The following DGKG variants were observed in gnomAD, a reference collection of about 807,000 sequenced individuals.
DGKG encodes diacylglycerol kinase gamma.
In DGKG, 78 loss-of-function variants were observed where a neutral mutation model predicts 105.3. That is an observed-to-expected ratio of 0.74 (90% CI 0.62 to 0.89). DGKG has a LOEUF of 0.89. Ranked by LOEUF, DGKG falls within the 40% of genes least tolerant of loss-of-function variation. The pLI, the probability that DGKG is intolerant of heterozygous loss-of-function variation, is 0.00. For synonymous variants in DGKG, 346 were observed against 367.1 expected (o/e 0.94, Z 0.66); for missense variants, 958 against 1,020.1 (o/e 0.94, Z 0.83).
chr3:186,226,552 T>C lies in DGKG; in HGVS notation c.1827-14667A>G, dbSNP rs1719871065. 6.6e-6 allele frequency among the ~76,000 whole-genome samples: 1 copy of C among 152,156 alleles called. No individual in the cohort carries two copies. The highest frequency in any genetic ancestry group is 2.4e-5 in the African/African-American group (1 of 41,436). ...CTAATTACAACACTCTGTTGAGAGC[T>C]CCAATAAAAGTTTCACTGAGATCAA... On this transcript the variant is annotated intron_variant, in intron 20 of 24. Transcript: ENST00000265022. The surrounding 1 kb of genome is among the most constrained non-coding windows in gnomAD (Gnocchi z 4.2).
At chr3:186,289,691 T>C (rs1218112216) in intron 5 of DGKG, among the ~76,000 whole-genome samples, 2 of 152,074 alleles carry the variant, frequency 1.3e-5, no homozygotes, top group African/African-American at 4.8e-5. Flanking sequence ...AGTGTACAAC[T>C]CACAGAAAAC....
rs537959907 is a variant in DGKG at position 186,155,927 on chromosome 3, A to G, written c.2277+5676T>C. ...TTTTTAAAAACTTGTGATATTAAATATTATTTCATAGATTTATTAGCCCAT... is the reference window on the plus strand; with the variant it reads ...TTTTTAAAAACTTGTGATATTAAATGTTATTTCATAGATTTATTAGCCCAT... On this transcript the variant is annotated intron_variant, in intron 24 of 24. Coordinates refer to ENST00000265022, the MANE Select transcript of DGKG (RefSeq NM_001346.3). Among the ~76,000 whole-genome samples, 5 of 152,224 alleles carry G rather than the reference A, an allele frequency of 3.3e-5. No individual in the cohort carries two copies. In the East Asian group the frequency reaches 9.6e-4, roughly 29 times the overall value.
At chr3:186,174,236 G>A (rs1458886261) in intron 22 of DGKG, among the ~76,000 whole-genome samples, 1 of 152,192 alleles carries the variant, frequency 6.6e-6, no homozygotes, top group Admixed American at 6.5e-5. Context: ...TGTATGAATA[G>A]GATGGGATCA....
At chr3:186,255,052 C>G (rs1721398150) in intron 17 of DGKG, among the ~76,000 whole-genome samples, 1 of 152,224 alleles carries the variant, frequency 6.6e-6, no homozygotes. Flanking sequence ...TCCCTAGTTG[C>G]CCCAGCCTGG....
At chr3:186,242,390 A>C in intron 20 of DGKG, 114 bp downstream of exon 20, 1 of 809,242 alleles carries the variant, frequency 1.2e-6, no homozygotes, top group Middle Eastern at 3.8e-4. Flanking sequence ...AGTGGCAGGA[A>C]GGCCAAGTCC....
chr3:186,160,000 G>A (rs1030661783), intron 24 of DGKG: 3 of 210,378 alleles, frequency 1.4e-5, no homozygotes, highest in South Asian at 1.7e-4. Flanking sequence ...CAGCCCTTCC[G>A]GCACCTTGGT....
chr3:186,219,726 A>G (rs1719470298), intron 20 of DGKG, among the ~76,000 whole-genome samples: 1 of 152,056 alleles, frequency 6.6e-6, no homozygotes, highest in African/African-American at 2.4e-5. Flanking sequence ...GAAAGGGGAG[A>G]TCTCAAGAAG....
chr3:186,214,260 A>G (rs1156367637), intron 20 of DGKG, among the ~76,000 whole-genome samples: 1 of 152,204 alleles, frequency 6.6e-6, no homozygotes, highest in Non-Finnish European at 1.5e-5. Flanking sequence ...AAGTGATTTA[A>G]TGTTTTTAAG....
chr3:186,171,847 C>A (rs1021356633), intron 22 of DGKG, among the ~76,000 whole-genome samples: 1 of 152,036 alleles, frequency 6.6e-6, no homozygotes, highest in Admixed American at 6.6e-5. Flanking sequence ...CCATTCTCAT[C>A]CCAGTTGCTT....
chr3:186,155,231 C>G (rs555434572), intron 24 of DGKG, among the ~76,000 whole-genome samples: 1 of 152,088 alleles, frequency 6.6e-6, no homozygotes, highest in Non-Finnish European at 1.5e-5. Context: ...CTCGCACTGT[C>G]GCCTGGGCTG....
chr3:186,249,020 C>T (rs749548247), intron 19 of DGKG, among the ~76,000 whole-genome samples: 10 of 152,134 alleles, frequency 6.6e-5, no homozygotes, highest in African/African-American at 1.4e-4. Context: ...TCCAGAACCC[C>T]GGACCTGTCA....
rs578070530 is a variant in DGKG at position 186,166,837 on chromosome 3, G to A, written c.2096-1819C>T. Among the ~76,000 whole-genome samples the A allele has an allele frequency of 6.6e-5, 10 of 152,274 alleles. No individual in the cohort carries two copies. The East Asian group carries it at 1.9e-3, about 29-fold the overall frequency. On this transcript the variant is annotated intron_variant, in intron 22 of 24. Transcript: ENST00000265022. ...GGCAGAGACAGATGTCTTGGAAACT[G>A]TTGTTCTTTGTACCAGGCTTTGGTG...
intron 17 of DGKG, 45 bp downstream of exon 17, chr3:186,257,809 G>T (rs192073813): frequency 4.8e-6 from 7 of 1,445,030 alleles, no homozygotes; most frequent in Non-Finnish European, 6.8e-6. Flanking sequence ...TTGTAAATAC[G>T]CTTACTATAA....
At chr3:186,255,275 C>T (rs964075835) in intron 17 of DGKG, among the ~76,000 whole-genome samples, 1 of 152,236 alleles carries the variant, frequency 6.6e-6, no homozygotes, top group Non-Finnish European at 1.5e-5. Context: ...GCAAAAAAGC[C>T]GTGGCTTGGG....
intron 3 of DGKG, among the ~76,000 whole-genome samples, chr3:186,299,767 C>CTCTTTCTTTCTTTCTTTCTTTCTTTCTT (rs56331660): frequency 9.4e-5 from 9 of 95,550 alleles, no homozygotes; most frequent in African/African-American, 2.0e-4. Context: ...TTCTTCTTTT[C>CTCTTTCTTTCTTTCTTTCTTTCTTTCTT]TCTTTCTTTC....
Position 186,351,631 on chromosome 3 carries a change from T to C in DGKG, c.-249+10315A>G, listed in dbSNP as rs775466704. Among the ~76,000 whole-genome samples, 44 of 152,360 alleles carry C rather than the reference T, an allele frequency of 2.9e-4. 1 individual carries two copies. The highest frequency in any genetic ancestry group is 2.3e-3 in the South Asian group (11 of 4,828). On this transcript the variant is annotated intron_variant, in intron 1 of 24. Transcript: ENST00000265022. ...TTCACCAAGAAGTCATGGCAGGTGATTCTTACATCTTCTTGACAGGTACAT... is the reference window on the plus strand; with the variant it reads ...TTCACCAAGAAGTCATGGCAGGTGACTCTTACATCTTCTTGACAGGTACAT...
At chr3:186,303,496 G>A (rs1232889401) in intron 3 of DGKG, among the ~76,000 whole-genome samples, 2 of 152,238 alleles carry the variant, frequency 1.3e-5, no homozygotes, top group Admixed American at 1.3e-4. Context: ...TAGATGGAGA[G>A]CTTAGCAGGC....
At chr3:186,243,779 A>G (rs979520286) in intron 19 of DGKG, among the ~76,000 whole-genome samples, 4 of 152,198 alleles carry the variant, frequency 2.6e-5, no homozygotes, top group African/African-American at 9.6e-5. Context: ...GCAATGAAAA[A>G]TATACAAACC....
In DGKG at chr3:186,353,668, A is replaced by ATCTATG; in HGVS notation, c.-249+8277_-249+8278insCATAGA. Among the ~76,000 whole-genome samples the ATCTATG allele has an allele frequency of 2.2e-5, 3 of 134,018 alleles. No homozygotes were observed. The Middle Eastern group carries it at 0.011, about 508-fold the overall frequency. The allele number at this position is 134,018 out of a possible 152,430, so 87.9% of individuals were successfully genotyped here. Reference sequence around the variant, plus strand: ...TATCTATGTCTATGTCTATATCTATATCTATATCTATATCTATATCTATAT... The same window carrying ATCTATG: ...TATCTATGTCTATGTCTATATCTATATCTATGTCTATATCTATATCTATATCTATAT... On this transcript the variant is annotated intron_variant, in intron 1 of 24. Transcript: ENST00000265022.
Sources: allele counts gnomAD v4.1 joint callset (sites outside exome capture counted in the v4.1 genomes callset), GRCh38; gene constraint gnomAD v4.1.1; non-coding constraint Gnocchi (gnomAD v3.1); transcripts MANE v1.5; gene names NCBI Gene and HGNC (gene_info 2026-07-23, HGNC 2026-07-21).